The following PRDX4 variants were observed in gnomAD, a reference collection of about 807,000 sequenced individuals.
PRDX4 encodes peroxiredoxin-4.
A neutral mutation model predicts 20.5 loss-of-function variants in PRDX4; 12 were observed. That is an observed-to-expected ratio of 0.58 (90% CI 0.37 to 0.95). The LOEUF (loss-of-function observed/expected upper bound fraction) is 0.95, where lower values mean the gene tolerates loss of function less well. Ranked by LOEUF, PRDX4 falls within the 40% of genes least tolerant of loss-of-function variation. The pLI is 0.01. For missense variants in PRDX4, 180 were observed against 207.3 expected (o/e 0.87, Z 0.81); for synonymous variants, 99 against 87.5 (o/e 1.13, Z -0.73).
intron 6 of PRDX4, among the ~76,000 whole-genome samples, chrX:23,684,770 G>A (rs1032310083): frequency 9.0e-6 from 1 of 110,982 alleles, no homozygotes; most frequent in African/African-American, 3.3e-5. Context: ...CCAAAGTGCT[G>A]GGATTACAGG....
At chrX:23,684,974 T>C (rs984405948) in intron 6 of PRDX4, among the ~76,000 whole-genome samples, 1 of 111,941 alleles carries the variant, frequency 8.9e-6, no homozygotes, top group Non-Finnish European at 1.9e-5. Flanking sequence ...AACACATAAA[T>C]ATATACAACT....
At position 23,672,122 on chromosome X, in the gene PRDX4, G is replaced by C. The variant is rs780096928; in HGVS notation, c.359+476G>C. On this transcript the variant is annotated intron_variant, in intron 2 of 6. Transcript: ENST00000379341. Reference sequence around the variant, plus strand: ...CTAAAAATGCAAAAATTAGCTGGGCGTGGTGGTACGCGCCTGTAGTCCCAG... The same window carrying C: ...CTAAAAATGCAAAAATTAGCTGGGCCTGGTGGTACGCGCCTGTAGTCCCAG... Among the ~76,000 whole-genome samples, 4 of 111,506 alleles carry C rather than the reference G, an allele frequency of 3.6e-5. No individual in the cohort carries two copies. In the South Asian group the frequency reaches 1.5e-3, roughly 42 times the overall value.
At chrX:23,674,305 TAG>T (rs1601790161) in intron 2 of PRDX4, among the ~76,000 whole-genome samples, 1 of 112,174 alleles carries the variant, frequency 8.9e-6, no homozygotes, top group Non-Finnish European at 1.9e-5. Flanking sequence ...GTATGTATGA[TAG>T]AGTCTCCTGT....
At chrX:23,674,967 A>ATTTTTTTT in intron 2 of PRDX4, 23 bp from the exon 3 acceptor site, 1 of 1,086,293 alleles carries the variant, frequency 9.2e-7, no homozygotes, top group Non-Finnish European at 1.2e-6. Flanking sequence ...AATACTGAAT[A>ATTTTTTTT]TTTTTTTTTT....
chrX:23,669,687 C>A (rs1927806888), intron 1 of PRDX4, among the ~76,000 whole-genome samples: 1 of 111,196 alleles, frequency 9.0e-6, no homozygotes, highest in Non-Finnish European at 1.9e-5. Context: ...GAGGCCGAGG[C>A]CATCCGATCA....
At chrX:23,677,634 T>A (rs1163140764) in intron 3 of PRDX4, among the ~76,000 whole-genome samples, 1 of 112,053 alleles carries the variant, frequency 8.9e-6, no homozygotes, top group African/African-American at 3.2e-5. Context: ...TATTAAAATG[T>A]CATCCATTTG....
chrX:23,677,046 T>C (rs1199791535), intron 3 of PRDX4, among the ~76,000 whole-genome samples: 1 of 111,039 alleles, frequency 9.0e-6, no homozygotes, highest in Non-Finnish European at 1.9e-5. Context: ...TTGCCCGGGC[T>C]GTGCTTCATC....
At chrX:23,677,777 C>T (rs1000450838) in intron 3 of PRDX4, among the ~76,000 whole-genome samples, 1 of 109,902 alleles carries the variant, frequency 9.1e-6, no homozygotes, top group African/African-American at 3.3e-5. Flanking sequence ...AGTAAGAATA[C>T]AAGGATGTTT....
At chrX:23,674,967 A>AT (rs753417196) in intron 2 of PRDX4, 23 bp from the exon 3 acceptor site, 12,241 of 1,057,684 alleles carry the variant, frequency 0.012, 3 homozygotes, top group Non-Finnish European at 0.013. Context: ...AATACTGAAT[A>AT]TTTTTTTTTT....
At chrX:23,682,878 A>ATATATATATATATAT (rs1928116182) in intron 5 of PRDX4, among the ~76,000 whole-genome samples, 1 of 84,352 alleles carries the variant, frequency 1.2e-5, no homozygotes, top group Non-Finnish European at 2.3e-5. Flanking sequence ...ATATATATAT[A>ATATATATATATATAT]AACTAATATA....
chrX:23,676,110 T>TG lies in PRDX4; in HGVS notation c.476+1007dup, dbSNP rs796065730. On this transcript the variant is annotated intron_variant, in intron 3 of 6. Transcript: ENST00000379341. ...GCCATTGCACTCCAGCCTGGGCAAC[T>TG]GGGCAATGAGAGTGAAACTCCATCT... 1.2e-4 allele frequency among the ~76,000 whole-genome samples: 10 copies of TG among 80,237 alleles called. No homozygotes were observed. In the East Asian group the frequency reaches 3.2e-3, roughly 26 times the overall value. The allele number at this position is 80,237 out of a possible 115,157, so 69.7% of individuals were successfully genotyped here. A position where few individuals can be genotyped will look rare whatever the true frequency, so the allele number is the denominator to read the frequency against.
intron 1 of PRDX4, among the ~76,000 whole-genome samples, chrX:23,669,080 C>G (rs1226608838): frequency 9.0e-6 from 1 of 110,852 alleles, no homozygotes; most frequent in Non-Finnish European, 1.9e-5. Flanking sequence ...CGCGCACCAC[C>G]ACACCCGGCT....
intron 6 of PRDX4, chrX:23,686,029 T>A (rs1928177997): frequency 2.3e-6 from 1 of 436,605 alleles, no homozygotes; most frequent in South Asian, 2.6e-5. Context: ...CATGAAAGCC[T>A]GGTGGCCAAG....
chrX:23,679,060 ATGTG>A lies in PRDX4; in HGVS notation c.477-101_477-98del, dbSNP rs1398138206. On this transcript the variant is annotated intron_variant, in intron 3 of 6. Coordinates refer to ENST00000379341, the MANE Select transcript of PRDX4 (RefSeq NM_006406.2). ...TTAGCCTGTTTTTGTTAGTGAAAGA[ATGTG>A]TGTATTTCATGTGTGTGCGTGTGCA... The A allele has an allele frequency of 5.8e-6, 5 of 857,059 alleles. No homozygotes were observed. In the African/African-American group the frequency reaches 6.0e-5, roughly 10 times the overall value. The allele number at this position is 857,059 out of a possible 1,213,427, so 70.6% of individuals were successfully genotyped here.
intron 1 of PRDX4, among the ~76,000 whole-genome samples, chrX:23,670,323 A>G (rs1451180228): frequency 8.9e-6 from 1 of 112,075 alleles, no homozygotes; most frequent in Non-Finnish European, 1.9e-5. Context: ...AATTTATTTA[A>G]AGTATATATA....
intron 2 of PRDX4, among the ~76,000 whole-genome samples, chrX:23,672,594 A>G (rs1927869193): frequency 1.8e-5 from 2 of 112,344 alleles, no homozygotes; most frequent in Admixed American, 1.9e-4. Context: ...AATTCATGAA[A>G]GTGAGAAGAG....
chrX:23,671,305 T>TA (rs112794431), intron 1 of PRDX4: 46 of 319,974 alleles, frequency 1.4e-4, no homozygotes, highest in Middle Eastern at 1.7e-3. Context: ...CAATTTTTTT[T>TA]AATATTTTTA....
chrX:23,681,393 G>A (rs1282918604), intron 4 of PRDX4, among the ~76,000 whole-genome samples: 1 of 111,830 alleles, frequency 8.9e-6, no homozygotes, highest in East Asian at 2.8e-4. Flanking sequence ...CTGGCTTTAG[G>A]CAACCACAAA....
rs181746155 is a variant in PRDX4, at chrX:23,675,536, T to C, written c.476+430T>C. On this transcript the variant is annotated intron_variant, in intron 3 of 6. Coordinates refer to ENST00000379341, the MANE Select transcript of PRDX4 (RefSeq NM_006406.2). The stretch of plus-strand genomic sequence containing the variant: ...AAACAATACTTTTTAAAAATGAATT[T>C]TAAAAAATGTTTAAAAATTCATTAA... 72 of 125,631 alleles carry C rather than the reference T, an allele frequency of 5.7e-4. No individual in the cohort carries two copies. The Middle Eastern group carries it at 0.011, about 19-fold the overall frequency. 10.4% of individuals were successfully genotyped at this position (125,631 alleles called of 1,213,427 possible).
Sources: allele counts gnomAD v4.1 joint callset (sites outside exome capture counted in the v4.1 genomes callset), GRCh38; gene constraint gnomAD v4.1.1; transcripts MANE v1.5; gene names NCBI Gene and HGNC (gene_info 2026-07-23, HGNC 2026-07-21).